Variants in FANCC observed in about 807,000 individuals in gnomAD.
The protein encoded by FANCC is Fanconi anemia group C protein.
Under a neutral mutation model 71.3 loss-of-function variants are expected in FANCC, and 55 were observed. The observed-to-expected ratio is 0.77, with a 90% CI of 0.62 to 0.97. The LOEUF is 0.97. Among genes scored for constraint, FANCC ranks in the 50% least tolerant of loss-of-function variants. FANCC has a pLI of 0.00. For missense variants in FANCC, 678 were observed against 670.9 expected, an observed-to-expected ratio of 1.01 and a Z score of -0.12; for synonymous variants, 275 against 244.9, an observed-to-expected ratio of 1.12 and a Z score of -1.15.
chr9:95,155,690 G>A lies in FANCC; in HGVS notation c.522-5603C>T, dbSNP rs1201253925. ...TGGACCACAATTAAAAGACTCTGCTGGATGGTATCAGCTGAAACAATCTTC... is the reference window on the plus strand; with the variant it reads ...TGGACCACAATTAAAAGACTCTGCTAGATGGTATCAGCTGAAACAATCTTC... On this transcript the variant is annotated intron_variant, in intron 6 of 14. Transcript: ENST00000289081. Among the ~76,000 whole-genome samples the A allele has an allele frequency of 7.2e-5, 11 of 152,100 alleles. 1 individual carries two copies. In the East Asian group the frequency reaches 1.7e-3, roughly 24 times the overall value.
At chr9:95,294,727 A>G in intron 1 of FANCC, 4 of 1,602,466 alleles carry the variant, frequency 2.5e-6, no homozygotes, top group Non-Finnish European at 8.5e-7. Flanking sequence ...TCTGGCTGAT[A>G]TGGCCTGGAA....
At chr9:95,187,349 G>A (rs1404067511) in intron 4 of FANCC, among the ~76,000 whole-genome samples, 2 of 152,122 alleles carry the variant, frequency 1.3e-5, no homozygotes, top group African/African-American at 2.4e-5. Flanking sequence ...TCATGGTCAC[G>A]GCCAAGGCCC....
intron 1 of FANCC, among the ~76,000 whole-genome samples, chr9:95,286,373 T>G (rs1245776043): frequency 6.6e-6 from 1 of 152,204 alleles, no homozygotes; most frequent in Non-Finnish European, 1.5e-5. Flanking sequence ...AGATGTCTGG[T>G]GTAGGGGCTT....
Position 95,125,196 on chromosome 9 carries a change from C to T in FANCC, c.897-11G>A. The T allele has an allele frequency of 6.2e-7, 1 of 1,607,550 alleles. No homozygotes were observed. Among genetic ancestry groups the T allele is most frequent in the East Asian group, 2.2e-5 (1 of 44,840 alleles). On this transcript the variant is annotated splice_polypyrimidine_tract_variant and intron_variant, in intron 9 of 14. Transcript: ENST00000289081. ...TCCAGGAGTGCACACCTGAACAATG[C>T]AAAGTCAGATCAGAACACGTTTAAC...
chr9:95,170,376 T>C (rs1329531419), intron 6 of FANCC, among the ~76,000 whole-genome samples: 1 of 150,734 alleles, frequency 6.6e-6, no homozygotes, highest in Non-Finnish European at 1.5e-5. Flanking sequence ...CTGATAGAGC[T>C]TGAATTAGCA....
At chr9:95,144,836 G>C (rs1463171577) in intron 7 of FANCC, among the ~76,000 whole-genome samples, 1 of 152,186 alleles carries the variant, frequency 6.6e-6, no homozygotes, top group African/African-American at 2.4e-5. Flanking sequence ...GGCACTGTAA[G>C]GAAAGAATCG....
chr9:95,277,101 A>C (rs1205411611), intron 1 of FANCC, among the ~76,000 whole-genome samples: 1 of 152,216 alleles, frequency 6.6e-6, no homozygotes, highest in African/African-American at 2.4e-5. Context: ...TATTAGCCAA[A>C]GATCCATTTC....
chr9:95,183,442 A>T (rs889476708), intron 4 of FANCC, among the ~76,000 whole-genome samples: 2 of 152,220 alleles, frequency 1.3e-5, no homozygotes, highest in Non-Finnish European at 2.9e-5. Flanking sequence ...CAAAACCAAG[A>T]GCACAGATTG....
In FANCC at chr9:95,099,766, C is replaced by T. The variant is rs573943626; in HGVS notation, c.*1941G>A. ...CCTCCACCGCACCCGTGAGAGGACTCGGCAGCTGTGAAGGAACTGGGAGAT... is the reference window on the plus strand; with the variant it reads ...CCTCCACCGCACCCGTGAGAGGACTTGGCAGCTGTGAAGGAACTGGGAGAT... On this transcript the variant is annotated 3_prime_UTR_variant, in exon 15 of 15. Coordinates refer to ENST00000289081, the MANE Select transcript of FANCC (RefSeq NM_000136.3). 2.6e-5 allele frequency: 6 copies of T among 232,408 alleles called. No homozygotes were observed. Among genetic ancestry groups the T allele is most frequent in the East Asian group, 1.2e-4 (2 of 16,470 alleles). 14.4% of individuals were successfully genotyped at this position (232,408 alleles called of 1,614,324 possible). A position where few individuals can be genotyped will look rare whatever the true frequency, so the allele number is the denominator to read the frequency against.
At chr9:95,160,283 G>C (rs1266931638) in intron 6 of FANCC, among the ~76,000 whole-genome samples, 1 of 152,122 alleles carries the variant, frequency 6.6e-6, no homozygotes, top group Non-Finnish European at 1.5e-5. Context: ...ATTAAATAGG[G>C]AATCCTTTCC....
intron 1 of FANCC, among the ~76,000 whole-genome samples, chr9:95,288,967 G>GAC: frequency 6.6e-6 from 1 of 152,076 alleles, no homozygotes; most frequent in Middle Eastern, 3.4e-3. Context: ...CAGGTGTGGT[G>GAC]ACACACACCA....
chr9:95,107,494 G>T, intron 13 of FANCC: 1 of 606,724 alleles, frequency 1.6e-6, no homozygotes, highest in East Asian at 2.8e-5. Flanking sequence ...AGCAGTCAGG[G>T]CACCATGCCA....
intron 6 of FANCC, among the ~76,000 whole-genome samples, chr9:95,158,721 T>C (rs981946645): frequency 6.6e-6 from 1 of 151,954 alleles, no homozygotes; most frequent in Non-Finnish European, 1.5e-5. Context: ...GCAGCATTTC[T>C]TGAACTTCCA....
intron 4 of FANCC, among the ~76,000 whole-genome samples, chr9:95,183,541 A>T (rs1826510150): frequency 6.6e-6 from 1 of 152,198 alleles, no homozygotes; most frequent in Admixed American, 6.5e-5. Flanking sequence ...CTTTTTCACA[A>T]TTTGCTTTCC....
chr9:95,298,218 A>C (rs1484092537), intron 1 of FANCC, among the ~76,000 whole-genome samples: 1 of 152,142 alleles, frequency 6.6e-6, no homozygotes, highest in African/African-American at 2.4e-5. Context: ...TTTAGATCAG[A>C]CATAGTAAAA....
At chr9:95,158,050 G>A (rs1484921107) in intron 6 of FANCC, among the ~76,000 whole-genome samples, 1 of 152,062 alleles carries the variant, frequency 6.6e-6, no homozygotes, top group Non-Finnish European at 1.5e-5. Flanking sequence ...GATGAGTCAG[G>A]CTGGAGACCT....
At chr9:95,243,197 T>C (rs1275596556) in intron 3 of FANCC, among the ~76,000 whole-genome samples, 3 of 152,148 alleles carry the variant, frequency 2.0e-5, no homozygotes, top group Non-Finnish European at 4.4e-5. Context: ...GAATAGTGAA[T>C]AGTGAAGAAG....
chr9:95,146,243 T>C (rs1829525417), intron 7 of FANCC, among the ~76,000 whole-genome samples: 1 of 151,968 alleles, frequency 6.6e-6, no homozygotes, highest in African/African-American at 2.4e-5. Flanking sequence ...TCCCAACATT[T>C]TGGGAGGCCA....
intron 1 of FANCC, among the ~76,000 whole-genome samples, chr9:95,251,540 T>A (rs1831330069): frequency 6.6e-6 from 1 of 152,130 alleles, no homozygotes; most frequent in South Asian, 2.1e-4. Context: ...GGTCTCGACC[T>A]CCTGACCTCA....
Sources: gnomAD v4.1 joint callset for allele counts (sites outside exome capture counted in the v4.1 genomes callset) on GRCh38, gnomAD v4.1.1 for gene constraint, MANE v1.5 for transcripts, NCBI Gene and HGNC (gene_info 2026-07-23, HGNC 2026-07-21) for gene names.